PLAGL1: variants seen among roughly 807,000 people sequenced by gnomAD.
PLAGL1 encodes PLAG1 like zinc finger 1.
PLAGL1 carries 1 observed loss-of-function variant against 4.6 expected under a neutral mutation model. The ratio of observed to expected loss-of-function variants is 0.22; its 90% CI spans 0.08 to 1.03. The LOEUF (loss-of-function observed/expected upper bound fraction) is 1.03. PLAGL1 is among the 50% of genes least tolerant of loss of function. The probability of loss-of-function intolerance (pLI) is 0.58; values close to 1 mark genes in which losing one functional copy is unlikely to be tolerated. For synonymous variants in PLAGL1, 240 were observed against 237.8 expected (o/e 1.01, Z -0.08); for missense variants, 464 against 570.4 (o/e 0.81, Z 1.90).
rs1273525773 is a variant in PLAGL1, at chr6:143,942,201, C to G, written c.615G>C (p.Lys205Asn). Residue 205 changes from lysine (K) to asparagine (N), a missense_variant, in exon 8 of 8, where the codon AAG (lysine) becomes AAC (asparagine). This residue lies in a region of PLAGL1 where 35 missense variants were observed against 77.3 expected (regional missense o/e 0.45). Coordinates refer to ENST00000674357, the MANE Select transcript of PLAGL1 (RefSeq NM_001317162.2). This position sits in a 1 kb window ranked among gnomAD's most constrained non-coding sequence, Gnocchi z 7.6. Reference protein sequence around the residue: ...RKDHLTRHTKKTHSQELMKES... With the variant: ...RKDHLTRHTKNTHSQELMKES... ...CTTTCATCAGCTCCTGTGAGTGGGT[C>G]TTCTTGGTATGCCGGGTGAGGTGAT... 6.2e-7 allele frequency: 1 copy of G among 1,614,032 alleles called. No individual in the cohort carries two copies. Among genetic ancestry groups the G allele is most frequent in the Non-Finnish European group, 8.5e-7 (1 of 1,180,022 alleles).
At position 144,027,292 on chromosome 6, in the gene PLAGL1, A is replaced by T. The variant is rs112937053; in HGVS notation, c.-151+37176T>A. On this transcript the variant is annotated intron_variant, in intron 1 of 3. Coordinates refer to the PLAGL1 transcript ENST00000437412. This position sits in a 1 kb window ranked among gnomAD's most constrained non-coding sequence, Gnocchi z 5.8. The stretch of plus-strand genomic sequence containing the variant: ...GAAAGAAAGAAAGAAAGAAAGAAAG[A>T]AAGTTATTTGATCTGAAGTACAATG... 0.022 allele frequency among the ~76,000 whole-genome samples: 3,086 copies of T among 142,456 alleles called. 144 individuals are homozygous for T. Among genetic ancestry groups the T allele is most frequent in the Admixed American group, 0.093 (1,264 of 13,528 alleles). The allele number at this position is 142,456 out of a possible 152,430, so 93.5% of individuals were successfully genotyped here. A position where few individuals can be genotyped will look rare whatever the true frequency, so the allele number is the denominator to read the frequency against.
intron 1 of PLAGL1, among the ~76,000 whole-genome samples, chr6:144,020,715 G>A (rs117536505): frequency 0.062 from 9,243 of 149,666 alleles, 321 homozygotes; most frequent in Middle Eastern, 0.12. Context: ...TGAGGTGCTG[G>A]GATTACAGGT....
At chr6:144,032,871 GT>G (rs1796933010) in intron 1 of PLAGL1, among the ~76,000 whole-genome samples, 1 of 152,150 alleles carries the variant, frequency 6.6e-6, no homozygotes, top group African/African-American at 2.4e-5. Context: ...GCATTCTTTG[GT>G]TGCTACTATG....
chr6:143,980,336 G>A (rs909489346), intron 2 of PLAGL1, among the ~76,000 whole-genome samples: 1 of 149,458 alleles, frequency 6.7e-6, no homozygotes, highest in Non-Finnish European at 1.5e-5. Context: ...ATACATATTT[G>A]GTCATTTCAA....
At chr6:144,023,241 TTGAC>T (rs1285229913) in intron 1 of PLAGL1, among the ~76,000 whole-genome samples, 3 of 152,158 alleles carry the variant, frequency 2.0e-5, no homozygotes, top group Non-Finnish European at 2.9e-5. Context: ...AGGAAGTAGA[TTGAC>T]TGGGTGAACA....
rs1780144633 is a variant in PLAGL1, at chr6:143,947,958, GT to G, written c.152+26del. The G allele has an allele frequency of 6.2e-7, 1 of 1,603,604 alleles. No homozygotes were observed. Among genetic ancestry groups the G allele is most frequent in the Non-Finnish European group, 8.5e-7 (1 of 1,171,086 alleles). On this transcript the variant is annotated intron_variant, in intron 7 of 7. Coordinates refer to ENST00000674357, the MANE Select transcript of PLAGL1 (RefSeq NM_001317162.2). This position sits in a 1 kb window ranked among gnomAD's most constrained non-coding sequence, Gnocchi z 4.3. ...AAGCCATTTAAACGTACTTCTAAAA[GT>G]GCATACCTTTGCCAAAGCCTCTCAC...
Position 143,973,747 on chromosome 6 carries a change from T to C in PLAGL1, c.-543-4769A>G, listed in dbSNP as rs912166931. ...TAGTTCACTGCTGTGCTAAAGCCAG[T>C]CGGCTACACCCAATAAGCTACTACA... On this transcript the variant is annotated intron_variant, in intron 2 of 7. Coordinates refer to ENST00000674357, the MANE Select transcript of PLAGL1 (RefSeq NM_001317162.2). The surrounding 1 kb of genome is among the most constrained non-coding windows in gnomAD (Gnocchi z 6.2). Among the ~76,000 whole-genome samples the C allele has an allele frequency of 6.6e-6, 1 of 152,206 alleles. No homozygotes were observed. Among genetic ancestry groups the C allele is most frequent in the African/African-American group, 2.4e-5 (1 of 41,454 alleles).
Position 143,966,752 on chromosome 6 carries a change from T to C in PLAGL1, c.-471-554A>G, listed in dbSNP as rs1470209783. 2 of 152,218 alleles carry C rather than the reference T, an allele frequency of 1.3e-5. No individual in the cohort carries two copies. Among genetic ancestry groups the C allele is most frequent in the African/African-American group, 4.8e-5 (2 of 41,454 alleles). 9.4% of individuals were successfully genotyped at this position (152,218 alleles called of 1,614,324 possible). A position where few individuals can be genotyped will look rare whatever the true frequency, so the allele number is the denominator to read the frequency against. ...GCATAATTTCTAGCATTTTAAACAT[T>C]GATAGAGAAATTATTTTCTTTTCTA... On this transcript the variant is annotated intron_variant, in intron 3 of 7. Coordinates refer to ENST00000674357, the MANE Select transcript of PLAGL1 (RefSeq NM_001317162.2). The surrounding 1 kb of genome is among the most constrained non-coding windows in gnomAD (Gnocchi z 6.0).
Position 144,015,936 on chromosome 6 carries a change from A to G in PLAGL1, c.-150-46958T>C, listed in dbSNP as rs995521112. On this transcript the variant is annotated intron_variant, in intron 1 of 3. Transcript: ENST00000437412. This position sits in a 1 kb window ranked among gnomAD's most constrained non-coding sequence, Gnocchi z 4.3. ...TGGAAAGACTTAAATGCAAATATTC[A>G]TATTCTCTCCAAACTGAAAACAACT... is the stretch of plus-strand genomic sequence containing the variant. Among the ~76,000 whole-genome samples the G allele has an allele frequency of 6.6e-6, 1 of 152,212 alleles. No homozygotes were observed. Among genetic ancestry groups the G allele is most frequent in the Admixed American group, 6.5e-5 (1 of 15,274 alleles).
rs1780081860 is a variant in PLAGL1, at chr6:143,947,701, G to A, written c.152+284C>T. On this transcript the variant is annotated intron_variant, in intron 7 of 7. Coordinates refer to ENST00000674357, the MANE Select transcript of PLAGL1 (RefSeq NM_001317162.2). The surrounding 1 kb of genome is among the most constrained non-coding windows in gnomAD (Gnocchi z 4.3). ...ACCTGTATAGCTCTGTCAAAGCAGT[G>A]AGGTTGCATTTTAATTGTCTTTTCC... Among the ~76,000 whole-genome samples the A allele has an allele frequency of 6.6e-6, 1 of 152,210 alleles. No individual in the cohort carries two copies. The highest frequency in any genetic ancestry group is 2.4e-5 in the African/African-American group (1 of 41,448).
rs933726884 is a variant in PLAGL1 at position 143,949,537 on chromosome 6, G to A, written c.-324-1077C>T. On this transcript the variant is annotated intron_variant, in intron 6 of 7. Transcript: ENST00000674357. The surrounding 1 kb of genome is among the most constrained non-coding windows in gnomAD (Gnocchi z 5.3). ...GGACTCTGACAGCAGGTTTCAAATC[G>A]GCCTCTACCTGCCACTACCTGCCAG... 1.3e-5 allele frequency among the ~76,000 whole-genome samples: 2 copies of A among 152,096 alleles called. No homozygotes were observed. The highest frequency in any genetic ancestry group is 6.6e-5 in the Admixed American group (1 of 15,262).
rs1799380171 is a variant in PLAGL1, at chr6:144,061,287, G to C, written c.-151+3181C>G. Reference sequence around the variant, plus strand: ...CACTTCAGTTACCCATCAGCCATATGACGTTAGCAAGTCAGTCTCTTCCAA... The same window carrying C: ...CACTTCAGTTACCCATCAGCCATATCACGTTAGCAAGTCAGTCTCTTCCAA... On this transcript the variant is annotated intron_variant, in intron 1 of 3. Coordinates refer to the PLAGL1 transcript ENST00000437412. This position sits in a 1 kb window ranked among gnomAD's most constrained non-coding sequence, Gnocchi z 4.4. Among the ~76,000 whole-genome samples, 6 of 152,172 alleles carry C rather than the reference G, an allele frequency of 3.9e-5. No individual in the cohort carries two copies.
intron 1 of PLAGL1, among the ~76,000 whole-genome samples, chr6:144,023,212 C>G (rs998071271): frequency 6.6e-6 from 1 of 152,142 alleles, no homozygotes; most frequent in African/African-American, 2.4e-5. Flanking sequence ...ACAAATCAAA[C>G]TCACCAGGAG....
intron 1 of PLAGL1, chr6:144,007,391 A>C (rs1335750447): frequency 6.6e-6 from 1 of 152,192 alleles, no homozygotes; most frequent in Non-Finnish European, 1.5e-5. Context: ...TTAGAGGAGG[A>C]TTCCTGGAAG....
At position 143,966,904 on chromosome 6, in the gene PLAGL1, C is replaced by T. The variant is rs375156213; in HGVS notation, c.-471-706G>A. 4 of 152,256 alleles carry T rather than the reference C, an allele frequency of 2.6e-5. No homozygotes were observed. The South Asian group carries it at 8.3e-4, about 32-fold the overall frequency. The allele number at this position is 152,256 out of a possible 1,614,324, so 9.4% of individuals were successfully genotyped here. On this transcript the variant is annotated intron_variant, in intron 3 of 7. Coordinates refer to ENST00000674357, the MANE Select transcript of PLAGL1 (RefSeq NM_001317162.2). This position sits in a 1 kb window ranked among gnomAD's most constrained non-coding sequence, Gnocchi z 6.0. ...TTTTAATGATATTCCTTAGATAATA[C>T]ATTTTCTTACCTAAAAGTGGTACAA...
chr6:144,009,504 T>A (rs955286274), upstream of PLAGL1, among the ~76,000 whole-genome samples: 23 of 152,202 alleles, frequency 1.5e-4, no homozygotes, highest in African/African-American at 5.1e-4. Flanking sequence ...CAGAACAAGA[T>A]GGCAATTGCT....
In PLAGL1 at chr6:144,053,371, G is replaced by GACC. The variant is rs1313060196; in HGVS notation, c.-151+11096_-151+11097insGGT. On this transcript the variant is annotated intron_variant, in intron 1 of 3. Transcript: ENST00000437412. This position sits in a 1 kb window ranked among gnomAD's most constrained non-coding sequence, Gnocchi z 4.0. ...GCTGGTCTGAAACTCCTGACCTCAG[G>GACC]TGATCAGCCACGATGGCCTCCCAAA... is the stretch of plus-strand genomic sequence containing the variant. Among the ~76,000 whole-genome samples, 1 of 152,148 alleles carries GACC rather than the reference G, an allele frequency of 6.6e-6. No individual in the cohort carries two copies. The highest frequency in any genetic ancestry group is 1.5e-5 in the Non-Finnish European group (1 of 68,034).
Position 144,000,566 on chromosome 6 carries a change from C to T in PLAGL1, c.-584+7524G>A, listed in dbSNP as rs1486884449. Among the ~76,000 whole-genome samples, 3 of 152,044 alleles carry T rather than the reference C, an allele frequency of 2.0e-5. No homozygotes were observed. The highest frequency in any genetic ancestry group is 2.9e-5 in the Non-Finnish European group (2 of 67,966). On this transcript the variant is annotated intron_variant, in intron 1 of 7. Coordinates refer to ENST00000674357, the MANE Select transcript of PLAGL1 (RefSeq NM_001317162.2). This position sits in a 1 kb window ranked among gnomAD's most constrained non-coding sequence, Gnocchi z 4.1. Reference sequence around the variant, plus strand: ...GAAAAAATTGAGTATTGCAAATATACCCATTCTTCTCATATTGATCTATAA... The same window carrying T: ...GAAAAAATTGAGTATTGCAAATATATCCATTCTTCTCATATTGATCTATAA...
At chr6:144,057,452 T>C (rs974192959) in intron 1 of PLAGL1, among the ~76,000 whole-genome samples, 6 of 152,198 alleles carry the variant, frequency 3.9e-5, no homozygotes, top group Non-Finnish European at 8.8e-5. Context: ...GGCTGGCCCA[T>C]CAGTGGCAGG....
Sources: allele counts gnomAD v4.1 joint callset (sites outside exome capture counted in the v4.1 genomes callset), GRCh38; gene constraint gnomAD v4.1.1; regional missense constraint gnomAD v4.1.1; non-coding constraint Gnocchi (gnomAD v3.1); transcripts MANE v1.5; gene names NCBI Gene and HGNC (gene_info 2026-07-23, HGNC 2026-07-21).